Variants in CCDC171 observed in about 807,000 individuals in gnomAD.
The protein encoded by CCDC171 is coiled-coil domain-containing protein 171.
In CCDC171, 177 loss-of-function variants were observed where a neutral mutation model predicts 168.2. That is an observed-to-expected ratio of 1.05 (90% CI 0.93 to 1.19). CCDC171 has a LOEUF of 1.19. Among genes scored for constraint, CCDC171 ranks in the 50% most tolerant of loss-of-function variants. The probability of loss-of-function intolerance (pLI) is 0.00; values close to 1 mark genes in which losing one functional copy is unlikely to be tolerated. For missense variants in CCDC171, 1,991 were observed against 1,539.0 expected (o/e 1.29, Z -4.91); for synonymous variants, 687 against 540.8 (o/e 1.27, Z -3.75).
chr9:16,092,892 C>T, the CCDC171 span, among the ~76,000 whole-genome samples: 6 of 152,186 alleles, frequency 3.9e-5, no homozygotes, highest in South Asian at 2.1e-4. Context: ...AGCAGAGCCT[C>T]GTGCCCGGCT....
chr9:16,064,741 A>G (rs1272511619), downstream of CCDC171, among the ~76,000 whole-genome samples: 1 of 152,220 alleles, frequency 6.6e-6, no homozygotes, highest in African/African-American at 2.4e-5. Context: ...GTCAGAGGTA[A>G]TGGAGACCAT....
At chr9:16,060,551 C>T (rs991787973) in intron 1 of CCDC171, 1 of 152,258 alleles carries the variant, frequency 6.6e-6, no homozygotes, top group Non-Finnish European at 1.5e-5. Flanking sequence ...TGGGTTCATT[C>T]ACTCTGTGGA....
At chr9:15,664,786 C>T (rs1323730019) in intron 8 of CCDC171, among the ~76,000 whole-genome samples, 1 of 148,228 alleles carries the variant, frequency 6.7e-6, no homozygotes, top group Non-Finnish European at 1.5e-5. Context: ...GCAACCTCTG[C>T]CTCCCAGGTT....
chr9:15,748,687 G>T (rs1270255811), intron 18 of CCDC171, among the ~76,000 whole-genome samples: 1 of 152,162 alleles, frequency 6.6e-6, no homozygotes, highest in African/African-American at 2.4e-5. Flanking sequence ...TTAAAGAAAA[G>T]AATTTTCAAC....
At chr9:15,825,978 C>G (rs2059994958) in intron 21 of CCDC171, among the ~76,000 whole-genome samples, 1 of 151,884 alleles carries the variant, frequency 6.6e-6, no homozygotes, top group African/African-American at 2.4e-5. Context: ...TCTCTTTTCT[C>G]TTTCTGGAAC....
intron 15 of CCDC171, among the ~76,000 whole-genome samples, chr9:15,728,862 T>C (rs1446976572): frequency 1.3e-5 from 2 of 151,960 alleles, no homozygotes; most frequent in South Asian, 4.2e-4. Flanking sequence ...AAAAAAAAAA[T>C]TCTGTTGAAG....
chr9:16,001,758 A>G (rs2132950488), intron 3 of CCDC171, among the ~76,000 whole-genome samples: 1 of 152,244 alleles, frequency 6.6e-6, no homozygotes, highest in East Asian at 1.9e-4. Context: ...AAGTAATAGA[A>G]AAGTCTGGCA....
At chr9:15,877,226 C>T (rs1002925461) in intron 24 of CCDC171, among the ~76,000 whole-genome samples, 3 of 151,858 alleles carry the variant, frequency 2.0e-5, no homozygotes, top group African/African-American at 7.3e-5. Flanking sequence ...TACTGATCCC[C>T]GAGACTTGCA....
upstream of CCDC171, chr9:15,552,982 G>C (rs993242908): frequency 1.3e-5 from 2 of 152,624 alleles, no homozygotes; most frequent in Non-Finnish European, 2.9e-5. Context: ...GGAGCTGCAA[G>C]CTGAGGGCTG....
chr9:15,672,922 T>C (rs1002791505), intron 9 of CCDC171, among the ~76,000 whole-genome samples: 4 of 152,226 alleles, frequency 2.6e-5, no homozygotes. Flanking sequence ...GGGGATGGCA[T>C]TGAATCTATA....
At chr9:16,060,461 G>A (rs564425278) in intron 1 of CCDC171, among the ~76,000 whole-genome samples, 1 of 152,338 alleles carries the variant, frequency 6.6e-6, no homozygotes, top group African/African-American at 2.4e-5. Flanking sequence ...GACCCCCCAG[G>A]CTGGGCCTCA....
chr9:15,567,304 A>T (rs2039828498), intron 2 of CCDC171, among the ~76,000 whole-genome samples: 1 of 152,246 alleles, frequency 6.6e-6, no homozygotes, highest in South Asian at 2.1e-4. Context: ...ACAGGCGTAC[A>T]TGTCTGTTCT....
At chr9:16,106,180 G>A in the CCDC171 span, among the ~76,000 whole-genome samples, 3 of 152,196 alleles carry the variant, frequency 2.0e-5, no homozygotes, top group East Asian at 3.8e-4. Flanking sequence ...CTTGGGATAT[G>A]GAGTTTTCTC....
intron 9 of CCDC171, among the ~76,000 whole-genome samples, chr9:15,667,253 T>C (rs1427913360): frequency 1.3e-5 from 2 of 152,170 alleles, no homozygotes; most frequent in East Asian, 3.8e-4. Flanking sequence ...GGCATGATAA[T>C]ACATTGGCAT....
intron 21 of CCDC171, among the ~76,000 whole-genome samples, chr9:15,842,691 A>G (rs749006175): frequency 1.3e-5 from 2 of 151,948 alleles, no homozygotes; most frequent in Non-Finnish European, 2.9e-5. Context: ...ATTGTTTAGT[A>G]TGTGGATTAC....
rs74336433 is a variant in CCDC171, at chr9:16,053,295, C to T, written n.90-7351C>T. Among the ~76,000 whole-genome samples the T allele has an allele frequency of 7.8e-3, 1,191 of 152,354 alleles. 7 individuals are homozygous for T. The highest frequency in any genetic ancestry group is 0.01 in the African/African-American group (433 of 41,584). The stretch of plus-strand genomic sequence containing the variant: ...TCCAGGTCCACTGACTCTTGGGCAG[C>T]GCCCAGCACTGTTGTGATGCAACTT... On this transcript the variant is annotated intron_variant and non_coding_transcript_variant, in intron 1 of 1. Coordinates refer to the CCDC171 transcript ENST00000478913.
the CCDC171 span, among the ~76,000 whole-genome samples, chr9:16,095,766 G>A: frequency 2.0e-5 from 3 of 151,622 alleles, no homozygotes; most frequent in East Asian, 5.8e-4. Flanking sequence ...GAACTTCTCT[G>A]AGCCTCAGCG....
the CCDC171 span, among the ~76,000 whole-genome samples, chr9:16,084,654 A>G: frequency 4.6e-5 from 7 of 152,172 alleles, no homozygotes; most frequent in East Asian, 1.9e-4. Flanking sequence ...ATGTCCATCA[A>G]TGATGAATAC....
the CCDC171 span, among the ~76,000 whole-genome samples, chr9:16,082,525 AT>A: frequency 5.3e-5 from 8 of 152,186 alleles, no homozygotes; most frequent in Admixed American, 2.0e-4. Flanking sequence ...GCCTGGGGTC[AT>A]TTGCTTTTGT....
Sources: allele counts gnomAD v4.1 joint callset (sites outside exome capture counted in the v4.1 genomes callset), GRCh38; gene constraint gnomAD v4.1.1; transcripts MANE v1.5; gene names NCBI Gene and HGNC (gene_info 2026-07-23, HGNC 2026-07-21).